OTX2: variants seen among roughly 807,000 people sequenced by gnomAD.
OTX2 encodes the protein orthodenticle homeobox 2, also known as homeobox protein OTX2.
A neutral mutation model predicts 29.0 loss-of-function variants in OTX2; 4 were observed. The ratio of observed to expected loss-of-function variants is 0.14; its 90% confidence interval spans 0.07 to 0.32. The LOEUF (loss-of-function observed/expected upper bound fraction) is 0.32, where lower values mean the gene tolerates loss of function less well. Among genes scored for constraint, OTX2 ranks in the 10% least tolerant of loss-of-function variants. OTX2 has a pLI of 1.00. For missense variants in OTX2, 298 were observed against 365.9 expected (o/e 0.81, Z 1.51); for synonymous variants, 134 against 141.0 (o/e 0.95, Z 0.35).
chr14:56,802,962 T>C lies in OTX2; in HGVS notation c.274-607A>G, dbSNP rs1012197475. Among the ~76,000 whole-genome samples, 3 of 152,218 alleles carry C rather than the reference T, an allele frequency of 2.0e-5. No individual in the cohort carries two copies. The highest frequency in any genetic ancestry group is 4.4e-5 in the Non-Finnish European group (3 of 68,056). The stretch of plus-strand genomic sequence containing the variant: ...TGAAAGCCACTATTTGCTAAAAGCT[T>C]CTTTGTGGTAAAAGGAGTGACTTAC... On this transcript the variant is annotated intron_variant, in intron 4 of 4. Coordinates refer to ENST00000672264, the MANE Select transcript of OTX2 (RefSeq NM_021728.4). This position sits in a 1 kb window ranked among gnomAD's most constrained non-coding sequence, Gnocchi z 4.4.
chr14:56,801,442 T>G lies in OTX2; in HGVS notation c.*293A>C. On this transcript the variant is annotated 3_prime_UTR_variant, in exon 5 of 5. Coordinates refer to ENST00000672264, the MANE Select transcript of OTX2 (RefSeq NM_021728.4). The surrounding 1 kb of genome is among the most constrained non-coding windows in gnomAD (Gnocchi z 4.2). Reference sequence around the variant, plus strand: ...AACTTAGTTTTGTTTGATTTTATTTTTGGTGGTGTTTGGTTGCACATGGCT... The same window carrying G: ...AACTTAGTTTTGTTTGATTTTATTTGTGGTGGTGTTTGGTTGCACATGGCT... The G allele has an allele frequency of 2.2e-6, 1 of 457,516 alleles. No individual in the cohort carries two copies. Among genetic ancestry groups the G allele is most frequent in the Non-Finnish European group, 4.0e-6 (1 of 249,474 alleles). The allele number at this position is 457,516 out of a possible 1,614,324, so 28.3% of individuals were successfully genotyped here.
intron 4 of OTX2, among the ~76,000 whole-genome samples, chr14:56,803,954 G>C (rs1891982864): frequency 6.6e-6 from 1 of 152,214 alleles, no homozygotes; most frequent in Non-Finnish European, 1.5e-5. Context: ...ACCTGCTCAA[G>C]GATGGGTCTC....
At position 56,804,179 on chromosome 14, in the gene OTX2, C is replaced by T. The variant is rs2139533837; in HGVS notation, c.273+9G>A. 2 of 1,614,134 alleles carry T rather than the reference C, an allele frequency of 1.2e-6. No homozygotes were observed. The highest frequency in any genetic ancestry group is 4.5e-5 in the East Asian group (2 of 44,876). On this transcript the variant is annotated intron_variant, in intron 4 of 4. Coordinates refer to ENST00000672264, the MANE Select transcript of OTX2 (RefSeq NM_021728.4). This position sits in a 1 kb window ranked among gnomAD's most constrained non-coding sequence, Gnocchi z 4.1. The stretch of plus-strand genomic sequence containing the variant: ...TCAGGAAGGATGGTTCTGCCTGCAT[C>T]TGCCCTACCTGCACCCTCGACTCGG...
Position 56,802,066 on chromosome 14 carries a change from G to A in OTX2, c.563C>T (p.Thr188Ile). ...CMQRSYPMTY[T>I]QASGYSQGYA... Reference sequence around the variant, plus strand: ...TCCTTGACTATAACCTGAAGCCTGAGTATAGGTCATGGGATAGGACCTCTG... The same window carrying A: ...TCCTTGACTATAACCTGAAGCCTGAATATAGGTCATGGGATAGGACCTCTG... The change falls in exon 5 of 5, where the codon ACT (threonine) becomes ATT (isoleucine). Residue 188 changes from threonine (T) to isoleucine (I), a missense_variant. Physicochemically the swap from Thr to Ile is moderately conservative, Grantham distance 89. Coordinates refer to ENST00000672264, the MANE Select transcript of OTX2 (RefSeq NM_021728.4). The surrounding 1 kb of genome is among the most constrained non-coding windows in gnomAD (Gnocchi z 4.4). 5 of 1,614,202 alleles carry A rather than the reference G, an allele frequency of 3.1e-6. No individual in the cohort carries two copies. Among genetic ancestry groups the A allele is most frequent in the Non-Finnish European group, 4.2e-6 (5 of 1,180,040 alleles).
At chr14:56,803,093 T>G (rs1243420121) in intron 4 of OTX2, among the ~76,000 whole-genome samples, 1 of 152,232 alleles carries the variant, frequency 6.6e-6, no homozygotes, top group East Asian at 1.9e-4. Flanking sequence ...TCCTGTGCTG[T>G]GTTTACTGAC....
At position 56,804,369 on chromosome 14, in the gene OTX2, G is replaced by T; in HGVS notation, c.98-6C>A. 1 of 1,612,036 alleles carries T rather than the reference G, an allele frequency of 6.2e-7. No individual in the cohort carries two copies. Among genetic ancestry groups the T allele is most frequent in the Non-Finnish European group, 8.5e-7 (1 of 1,179,006 alleles). On this transcript the variant is annotated splice_region_variant and splice_polypyrimidine_tract_variant and intron_variant, in intron 3 of 4. Coordinates refer to ENST00000672264, the MANE Select transcript of OTX2 (RefSeq NM_021728.4). This position sits in a 1 kb window ranked among gnomAD's most constrained non-coding sequence, Gnocchi z 4.1. ...GGGACAAGAAGCCCAGGGCCCTTTA[G>T]GGTGGGGGAGCAGTTTCTCAGTCAT... is the stretch of plus-strand genomic sequence containing the variant.
At chr14:56,807,184 T>G (rs1434579531) in intron 2 of OTX2, among the ~76,000 whole-genome samples, 1 of 152,210 alleles carries the variant, frequency 6.6e-6, no homozygotes, top group East Asian at 1.9e-4. Context: ...CTAATTTAGT[T>G]GCCCCTACAA....
chr14:56,804,461 C>A lies in OTX2; in HGVS notation c.98-98G>T. ...CGCAGCAGTCCCCCGTTCCTCACAG[C>A]CCTTCAGCCGGGAGCCTACCAATGC... is the stretch of plus-strand genomic sequence containing the variant. On this transcript the variant is annotated intron_variant, in intron 3 of 4. Coordinates refer to ENST00000672264, the MANE Select transcript of OTX2 (RefSeq NM_021728.4). The surrounding 1 kb of genome is among the most constrained non-coding windows in gnomAD (Gnocchi z 4.1). 8.3e-7 allele frequency: 1 copy of A among 1,207,198 alleles called. No homozygotes were observed. Among genetic ancestry groups the A allele is most frequent in the Non-Finnish European group, 1.1e-6 (1 of 874,018 alleles). The allele number at this position is 1,207,198 out of a possible 1,614,324, so 74.8% of individuals were successfully genotyped here. A position where few individuals can be genotyped will look rare whatever the true frequency, so the allele number is the denominator to read the frequency against.
At chr14:56,803,890 G>A (rs1891980100) in intron 4 of OTX2, among the ~76,000 whole-genome samples, 1 of 152,098 alleles carries the variant, frequency 6.6e-6, no homozygotes, top group Admixed American at 6.5e-5. Flanking sequence ...GAATAGGAGA[G>A]GATTTCTATA....
rs183395831 is a variant in OTX2 at position 56,805,023 on chromosome 14, G to C, written c.97+337C>G. 3.5e-4 allele frequency among the ~76,000 whole-genome samples: 53 copies of C among 152,284 alleles called. 1 individual carries two copies. The highest frequency in any genetic ancestry group is 1.3e-3 in the African/African-American group (52 of 41,564). Reference sequence around the variant, plus strand: ...GGACACTTCTGAGGAATTGGTCATTGAGATATGGGTAGGGGTCTTTTGCCC... The same window carrying C: ...GGACACTTCTGAGGAATTGGTCATTCAGATATGGGTAGGGGTCTTTTGCCC... On this transcript the variant is annotated intron_variant, in intron 3 of 4. Coordinates refer to ENST00000672264, the MANE Select transcript of OTX2 (RefSeq NM_021728.4).
At position 56,801,443 on chromosome 14, in the gene OTX2, T is replaced by C. The variant is rs1199472030; in HGVS notation, c.*292A>G. The C allele has an allele frequency of 2.2e-6, 1 of 460,714 alleles. No individual in the cohort carries two copies. The highest frequency in any genetic ancestry group is 3.4e-5 in the Admixed American group (1 of 28,998). The allele number at this position is 460,714 out of a possible 1,614,324, so 28.5% of individuals were successfully genotyped here. ...ACTTAGTTTTGTTTGATTTTATTTT[T>C]GGTGGTGTTTGGTTGCACATGGCTA... is the stretch of plus-strand genomic sequence containing the variant. On this transcript the variant is annotated 3_prime_UTR_variant, in exon 5 of 5. Coordinates refer to ENST00000672264, the MANE Select transcript of OTX2 (RefSeq NM_021728.4). The surrounding 1 kb of genome is among the most constrained non-coding windows in gnomAD (Gnocchi z 4.2).
At chr14:56,809,152 G>A (rs1892190610) in intron 2 of OTX2, among the ~76,000 whole-genome samples, 1 of 152,122 alleles carries the variant, frequency 6.6e-6, no homozygotes, top group Admixed American at 6.5e-5. Flanking sequence ...AACAGCTGAG[G>A]GGCCGCGGTC....
chr14:56,807,943 G>C (rs1278840394), intron 2 of OTX2, among the ~76,000 whole-genome samples: 1 of 151,950 alleles, frequency 6.6e-6, no homozygotes, highest in Admixed American at 6.6e-5. Context: ...CTCCGGGCGC[G>C]AGTGCCTGGG....
In OTX2 at chr14:56,802,053, A is replaced by G. The variant is rs1334931058; in HGVS notation, c.576T>C (p.Gly192=). The G allele has an allele frequency of 6.2e-7, 1 of 1,614,152 alleles. No individual in the cohort carries two copies. Among genetic ancestry groups the G allele is most frequent in the East Asian group, 2.2e-5 (1 of 44,884 alleles). Residue 192 remains glycine, a synonymous_variant, in exon 5 of 5, where the codon GGT becomes GGC. Coordinates refer to ENST00000672264, the MANE Select transcript of OTX2 (RefSeq NM_021728.4). The surrounding 1 kb of genome is among the most constrained non-coding windows in gnomAD (Gnocchi z 4.4). ...SYPMTYTQAS[G]YSQGYAGSTS... is the part of the protein sequence containing the mutation. ...TTGAGCCAGCATATCCTTGACTATAACCTGAAGCCTGAGTATAGGTCATGG... is the reference window on the plus strand; with the variant it reads ...TTGAGCCAGCATATCCTTGACTATAGCCTGAAGCCTGAGTATAGGTCATGG...
chr14:56,810,000 T>C (rs1479718664), intron 2 of OTX2, among the ~76,000 whole-genome samples, 159 bp downstream of exon 2: 1 of 152,158 alleles, frequency 6.6e-6, no homozygotes. Context: ...GCAACGATCG[T>C]TATTACACCT....
rs759256101 is a variant in OTX2 at position 56,804,258 on chromosome 14, G to A, written c.203C>T (p.Thr68Ile). ...LDVLEALFAK[T>I]RYPDIFMREE... ...TCGCATGAAGATGTCTGGGTACCGG[G>A]TCTTGGCAAACAGTGCTTCCAGCAC... The change falls in exon 4 of 5, where the codon ACC (threonine) becomes ATC (isoleucine). Residue 68 changes from threonine to isoleucine, a missense_variant. Around this residue, in one of 3 missense-constraint regions of OTX2, gnomAD observed 29 missense variants for 84.7 expected, o/e 0.34. Transcript: ENST00000672264. This position sits in a 1 kb window ranked among gnomAD's most constrained non-coding sequence, Gnocchi z 4.1. 1 of 1,614,190 alleles carries A rather than the reference G, an allele frequency of 6.2e-7. No individual in the cohort carries two copies.
chr14:56,809,303 A>T (rs1036130608), intron 2 of OTX2, among the ~76,000 whole-genome samples: 10 of 152,150 alleles, frequency 6.6e-5, no homozygotes, highest in African/African-American at 2.2e-4. Flanking sequence ...TGTTGAAAAA[A>T]CACTCTTCAC....
At position 56,804,174 on chromosome 14, in the gene OTX2, T is replaced by C; in HGVS notation, c.273+14A>G. Reference sequence around the variant, plus strand: ...CATGATCAGGAAGGATGGTTCTGCCTGCATCTGCCCTACCTGCACCCTCGA... The same window carrying C: ...CATGATCAGGAAGGATGGTTCTGCCCGCATCTGCCCTACCTGCACCCTCGA... On this transcript the variant is annotated intron_variant, in intron 4 of 4. Transcript: ENST00000672264. The surrounding 1 kb of genome is among the most constrained non-coding windows in gnomAD (Gnocchi z 4.1). 1.2e-6 allele frequency: 2 copies of C among 1,614,060 alleles called. No individual in the cohort carries two copies. Among genetic ancestry groups the C allele is most frequent in the Middle Eastern group, 1.6e-4 (1 of 6,062 alleles).
chr14:56,806,117 C>T, intron 2 of OTX2, among the ~76,000 whole-genome samples: 1 of 152,162 alleles, frequency 6.6e-6, no homozygotes, highest in Admixed American at 6.5e-5. Flanking sequence ...ATTATCTTAG[C>T]TTTTTACCAC....
Sources: gnomAD v4.1 joint callset for allele counts (sites outside exome capture counted in the v4.1 genomes callset) on GRCh38, gnomAD v4.1.1 for gene constraint, gnomAD v4.1.1 regional missense constraint, Gnocchi (gnomAD v3.1) non-coding constraint, MANE v1.5 for transcripts, NCBI Gene and HGNC (gene_info 2026-07-23, HGNC 2026-07-21) for gene names.